Variants in TRHDE observed in about 807,000 individuals in gnomAD.
The protein encoded by TRHDE is thyrotropin releasing hormone degrading enzyme.
A neutral mutation model predicts 125.7 loss-of-function variants in TRHDE; 72 were observed. The ratio of observed to expected loss-of-function variants is 0.57; its 90% confidence interval spans 0.47 to 0.70. TRHDE has a LOEUF of 0.70. Among genes scored for constraint, TRHDE ranks in the 30% least tolerant of loss-of-function variants. TRHDE has a pLI of 0.00. For synonymous variants in TRHDE, 509 were observed against 509.1 expected (o/e 1.00, Z 0.00); for missense variants, 1,110 against 1,327.1 (o/e 0.84, Z 2.54).
At chr12:72,351,605 T>C (rs1409658453) in intron 2 of TRHDE, among the ~76,000 whole-genome samples, 2 of 151,906 alleles carry the variant, frequency 1.3e-5, no homozygotes, top group African/African-American at 4.8e-5. Context: ...GAGCCTCTCT[T>C]TATCTCCATC....
chr12:72,101,069 C>T (rs1434465764), intron 1 of TRHDE, among the ~76,000 whole-genome samples: 2 of 152,174 alleles, frequency 1.3e-5, no homozygotes, highest in Non-Finnish European at 2.9e-5. Context: ...TGCCCTCCAT[C>T]ATTTCTGTGT....
intron 18 of TRHDE, among the ~76,000 whole-genome samples, chr12:72,661,641 C>T (rs1359482218): frequency 1.3e-5 from 2 of 152,056 alleles, no homozygotes; most frequent in Non-Finnish European, 1.5e-5. Flanking sequence ...GATTCAAGTA[C>T]TTCCATTAGA....
intron 2 of TRHDE, among the ~76,000 whole-genome samples, chr12:72,267,178 C>G (rs1879087518): frequency 6.6e-6 from 1 of 151,984 alleles, no homozygotes; most frequent in African/African-American, 2.4e-5. Context: ...AGACTTTGGT[C>G]TATATTATGT....
chr12:72,388,181 A>G (rs1226037561), intron 3 of TRHDE, among the ~76,000 whole-genome samples: 2 of 152,130 alleles, frequency 1.3e-5, no homozygotes, highest in Non-Finnish European at 2.9e-5. Context: ...TTTTTCATTC[A>G]AATAGATGCA....
Position 72,670,715 on chromosome 12 carries a change from T to C in TRHDE, c.*7520T>C, listed in dbSNP as rs112526445. The C allele has an allele frequency of 2.3e-3, 356 of 151,878 alleles. 3 individuals carry two copies. The highest frequency in any genetic ancestry group is 8.2e-3 in the African/African-American group (339 of 41,524). 9.4% of individuals were successfully genotyped at this position (151,878 alleles called of 1,614,324 possible). ...TTGTAAAAATAAAAACAATTTGTTC[T>C]CCTTTCTAATTATATGCCTTTAGAA... On this transcript the variant is annotated 3_prime_UTR_variant, in exon 19 of 19. Transcript: ENST00000261180.
chr12:72,266,150 G>A (rs1376512799), intron 2 of TRHDE, among the ~76,000 whole-genome samples: 1 of 152,032 alleles, frequency 6.6e-6, no homozygotes, highest in Non-Finnish European at 1.5e-5. Flanking sequence ...GGGAATAAAT[G>A]ATTGGAAGAC....
chr12:72,562,771 A>G (rs1870240059), intron 8 of TRHDE, 82 bp from the exon 9 acceptor site: 4 of 910,932 alleles, frequency 4.4e-6, no homozygotes, highest in Non-Finnish European at 6.4e-6. Flanking sequence ...AAATAGTAAA[A>G]ATAGAAATAA....
At position 72,307,197 on chromosome 12, in the gene TRHDE, A is replaced by G. The variant is rs564102807; in HGVS notation, c.1188+20243A>G. Among the ~76,000 whole-genome samples the G allele has an allele frequency of 1.0e-3, 155 of 151,994 alleles. 1 individual carries two copies. Among genetic ancestry groups the G allele is most frequent in the Non-Finnish European group, 2.0e-3 (133 of 67,998 alleles). On this transcript the variant is annotated intron_variant, in intron 2 of 18. Transcript: ENST00000261180. ...AGTTTTCCTCTGTCGCTCTGGCTGGAGTGCAGTGGTGTGATCTTGGCTCAC... is the reference window on the plus strand; with the variant it reads ...AGTTTTCCTCTGTCGCTCTGGCTGGGGTGCAGTGGTGTGATCTTGGCTCAC...
intron 2 of TRHDE, among the ~76,000 whole-genome samples, chr12:72,297,937 T>G (rs1192279750): frequency 6.6e-6 from 1 of 152,174 alleles, no homozygotes; most frequent in Non-Finnish European, 1.5e-5. Flanking sequence ...ATGGAGGAGC[T>G]TATAGAACCA....
chr12:72,377,249 T>G (rs1421282961), intron 2 of TRHDE, among the ~76,000 whole-genome samples: 1 of 152,008 alleles, frequency 6.6e-6, no homozygotes, highest in African/African-American at 2.4e-5. Flanking sequence ...AATCTCATTT[T>G]AACCTTTTCC....
intron 15 of TRHDE, among the ~76,000 whole-genome samples, chr12:72,650,285 C>G (rs1408579280): frequency 6.6e-6 from 1 of 152,022 alleles, no homozygotes; most frequent in Non-Finnish European, 1.5e-5. Context: ...CACAGAAAGA[C>G]AGTTATGATT....
rs139733046 is a variant in TRHDE at position 72,652,825 on chromosome 12, A to G, written c.2844-191A>G. Among the ~76,000 whole-genome samples, 259 of 152,046 alleles carry G rather than the reference A, an allele frequency of 1.7e-3. 10 individuals carry two copies. In the East Asian group the frequency reaches 0.048, roughly 28 times the overall value. ...GATTTTTTTAGAATTTAATGTTTTT[A>G]ATTAAAATACTATGAGTTTGATCCT... On this transcript the variant is annotated intron_variant, in intron 16 of 18. Transcript: ENST00000261180.
chr12:72,504,305 A>ATTT (rs748855139), intron 6 of TRHDE, among the ~76,000 whole-genome samples: 2 of 141,580 alleles, frequency 1.4e-5, no homozygotes, highest in African/African-American at 2.6e-5. Flanking sequence ...CACTAAGAAA[A>ATTT]TTTTTTTTTT....
chr12:72,139,257 A>G (rs893475997), intron 2 of TRHDE, among the ~76,000 whole-genome samples: 5 of 152,174 alleles, frequency 3.3e-5, no homozygotes, highest in African/African-American at 7.2e-5. Flanking sequence ...TTTAAATGGC[A>G]GAACTGATTT....
chr12:72,316,587 A>C (rs918870242), intron 2 of TRHDE, among the ~76,000 whole-genome samples: 1 of 152,100 alleles, frequency 6.6e-6, no homozygotes, highest in Non-Finnish European at 1.5e-5. Context: ...CCTGCCTTTT[A>C]CCCCATAAAT....
Position 72,130,446 on chromosome 12 carries a change from A to C in TRHDE, n.279+24694A>C, listed in dbSNP as rs559854385. 2.6e-5 allele frequency among the ~76,000 whole-genome samples: 4 copies of C among 152,340 alleles called. No homozygotes were observed. In the South Asian group the frequency reaches 6.2e-4, roughly 24 times the overall value. ...GTATTGTACTGGTATTGGGCCCAGC[A>C]AATAGGCTAATGGCAGTATAAGAGG... On this transcript the variant is annotated intron_variant and non_coding_transcript_variant, in intron 2 of 4. Transcript: ENST00000548156.
intron 3 of TRHDE, among the ~76,000 whole-genome samples, chr12:72,434,859 C>T (rs1221370568): frequency 6.6e-6 from 1 of 152,170 alleles, no homozygotes; most frequent in African/African-American, 2.4e-5. Flanking sequence ...GTTGTTCCCC[C>T]ACGTTTCTCC....
intron 2 of TRHDE, among the ~76,000 whole-genome samples, chr12:72,362,205 C>T: frequency 7.0e-6 from 1 of 143,674 alleles, no homozygotes; most frequent in African/African-American, 2.6e-5. Context: ...CCTATTTCTC[C>T]ACATCCTCTC....
At chr12:72,532,740 C>T (rs1156251184) in intron 6 of TRHDE, among the ~76,000 whole-genome samples, 1 of 150,290 alleles carries the variant, frequency 6.7e-6, no homozygotes, top group Non-Finnish European at 1.5e-5. Flanking sequence ...ATGAATTCTA[C>T]TTAAATATTT....
Sources: allele counts gnomAD v4.1 joint callset (sites outside exome capture counted in the v4.1 genomes callset), GRCh38; gene constraint gnomAD v4.1.1; transcripts MANE v1.5; gene names NCBI Gene and HGNC (gene_info 2026-07-23, HGNC 2026-07-21).